The following OPCML variants were observed in gnomAD, a reference collection of about 807,000 sequenced individuals.
The protein encoded by OPCML is opioid binding protein/cell adhesion molecule like, also known as opioid-binding protein/cell adhesion molecule.
OPCML carries 13 observed loss-of-function variants against 37.8 expected under a neutral mutation model. The ratio of observed to expected loss-of-function variants is 0.34; its 90% confidence interval spans 0.22 to 0.55. OPCML has a LOEUF of 0.55. Ranked by LOEUF, OPCML falls within the 20% of genes least tolerant of loss-of-function variation. The pLI is 0.91. For synonymous variants in OPCML, 176 were observed against 168.8 expected (o/e 1.04, Z -0.33); for missense variants, 341 against 435.6 (o/e 0.78, Z 1.93).
intron 1 of OPCML, among the ~76,000 whole-genome samples, chr11:133,461,718 C>G (rs1269375364): frequency 2.0e-5 from 3 of 151,838 alleles, no homozygotes; most frequent in African/African-American, 4.8e-5. Flanking sequence ...CCAGAGCAGT[C>G]TAAAGATTCA....
chr11:133,507,671 A>G (rs1423039307), intron 1 of OPCML, among the ~76,000 whole-genome samples: 2 of 152,188 alleles, frequency 1.3e-5, no homozygotes, highest in Non-Finnish European at 2.9e-5. Context: ...CAGGCTGGGC[A>G]CAGTGGCTCA....
At chr11:133,458,277 C>T (rs1296392426) in intron 1 of OPCML, among the ~76,000 whole-genome samples, 4 of 56,324 alleles carry the variant, frequency 7.1e-5, no homozygotes, top group African/African-American at 4.9e-4. Context: ...TATATATACA[C>T]ACATATATAC....
At chr11:132,764,880 T>C (rs969867912) in intron 2 of OPCML, among the ~76,000 whole-genome samples, 2 of 152,234 alleles carry the variant, frequency 1.3e-5, no homozygotes, top group African/African-American at 4.8e-5. Flanking sequence ...AAATTCACAT[T>C]CTAGCAAGGT....
intron 4 of OPCML, among the ~76,000 whole-genome samples, chr11:132,504,181 T>G (rs957184367): frequency 5.5e-4 from 83 of 152,200 alleles, no homozygotes; most frequent in African/African-American, 1.8e-3. Context: ...TTGATTTAAT[T>G]AATAGAGACA....
intron 2 of OPCML, among the ~76,000 whole-genome samples, chr11:132,825,960 C>A (rs1181080019): frequency 6.6e-6 from 1 of 152,124 alleles, no homozygotes; most frequent in East Asian, 1.9e-4. Flanking sequence ...ATGTGTGAAC[C>A]CCGCTACCTC....
intron 7 of OPCML, among the ~76,000 whole-genome samples, chr11:132,427,329 G>C (rs2095980917): frequency 6.6e-6 from 1 of 152,164 alleles, no homozygotes; most frequent in South Asian, 2.1e-4. Context: ...GATGTTCTTG[G>C]TGATTAAAAG....
At chr11:133,063,866 T>C (rs527445323) in intron 1 of OPCML, among the ~76,000 whole-genome samples, 1 of 152,220 alleles carries the variant, frequency 6.6e-6, no homozygotes, top group East Asian at 1.9e-4. Context: ...CCAGCCCCGG[T>C]TGGTGATTAT....
intron 1 of OPCML, among the ~76,000 whole-genome samples, chr11:133,354,219 G>GA (rs1210447254): frequency 0.011 from 112 of 9,868 alleles, no homozygotes; most frequent in East Asian, 0.034. Flanking sequence ...TGGTGATGAT[G>GA]CTGGTGCTGG....
intron 4 of OPCML, among the ~76,000 whole-genome samples, chr11:132,464,986 G>A (rs993108705): frequency 1.3e-5 from 2 of 152,046 alleles, no homozygotes; most frequent in East Asian, 1.9e-4. Flanking sequence ...TATACATATC[G>A]ATCTTTTTTA....
intron 1 of OPCML, among the ~76,000 whole-genome samples, chr11:132,999,563 T>TGTGGG (rs1555072764): frequency 7.8e-6 from 1 of 128,516 alleles, no homozygotes; most frequent in African/African-American, 3.5e-5. Context: ...AAGTGACAAA[T>TGTGGG]GGGGTCGGGG....
chr11:133,158,933 G>T (rs2137211623), intron 1 of OPCML, among the ~76,000 whole-genome samples: 1 of 152,062 alleles, frequency 6.6e-6, no homozygotes, highest in African/African-American at 2.4e-5. Context: ...TAGTTGATTT[G>T]AACCAGGCAA....
At chr11:132,489,303 G>A (rs1250079908) in intron 4 of OPCML, among the ~76,000 whole-genome samples, 2 of 152,136 alleles carry the variant, frequency 1.3e-5, no homozygotes, top group East Asian at 1.9e-4. Context: ...CATCTCCTGT[G>A]ATAACAATGC....
intron 1 of OPCML, chr11:133,297,797 T>G (rs1374686400): frequency 6.6e-6 from 1 of 152,202 alleles, no homozygotes; most frequent in African/African-American, 2.4e-5. Context: ...TGCCTGGCTC[T>G]AAATCTTAGT....
chr11:132,753,823 G>C lies in OPCML; in HGVS notation c.147-96504C>G, dbSNP rs1234401614. On this transcript the variant is annotated intron_variant, in intron 2 of 7. Transcript: ENST00000524381. ...TTCCACTGAGCCAAAATATATTACA[G>C]GCACAATGGGGGAAAATGATCCTTT... Among the ~76,000 whole-genome samples the C allele has an allele frequency of 2.0e-5, 3 of 152,302 alleles. No homozygotes were observed. In the Middle Eastern group the frequency reaches 0.01, roughly 518 times the overall value.
intron 1 of OPCML, among the ~76,000 whole-genome samples, chr11:133,143,737 C>A (rs1250989346): frequency 6.6e-6 from 1 of 152,200 alleles, no homozygotes; most frequent in Non-Finnish European, 1.5e-5. Flanking sequence ...ATTGGCCTGC[C>A]TTAACCTCTC....
At chr11:133,252,375 C>CA (rs1354890325) in intron 1 of OPCML, among the ~76,000 whole-genome samples, 1 of 152,108 alleles carries the variant, frequency 6.6e-6, no homozygotes, top group East Asian at 1.9e-4. Flanking sequence ...CTAGGGAGTG[C>CA]AAAATCACAT....
At position 133,013,042 on chromosome 11, in the gene OPCML, C is replaced by G. The variant is rs759450043; in HGVS notation, c.62-70032G>C. On this transcript the variant is annotated intron_variant, in intron 1 of 7. Transcript: ENST00000524381. Reference sequence around the variant, plus strand: ...ACTTGGCACCAGAGTTATTTAATTACCCCCTCATTCTGCAACAAGAAAACA... The same window carrying G: ...ACTTGGCACCAGAGTTATTTAATTAGCCCCTCATTCTGCAACAAGAAAACA... 3.1e-4 allele frequency among the ~76,000 whole-genome samples: 47 copies of G among 152,246 alleles called. 1 individual carries two copies. The highest frequency in any genetic ancestry group is 1.7e-3 in the South Asian group (8 of 4,814).
chr11:133,187,954 G>A (rs953724790), intron 1 of OPCML, among the ~76,000 whole-genome samples: 16 of 152,232 alleles, frequency 1.1e-4, no homozygotes, highest in African/African-American at 2.9e-4. Context: ...GTTCCAAGTC[G>A]TTTCACTCCT....
At chr11:133,350,193 G>A (rs932189200) in intron 1 of OPCML, among the ~76,000 whole-genome samples, 1 of 152,126 alleles carries the variant, frequency 6.6e-6, no homozygotes, top group Non-Finnish European at 1.5e-5. Flanking sequence ...CTGCTAAATG[G>A]CACTAAATGT....
Sources: allele counts gnomAD v4.1 joint callset (sites outside exome capture counted in the v4.1 genomes callset), GRCh38; gene constraint gnomAD v4.1.1; transcripts MANE v1.5; gene names NCBI Gene and HGNC (gene_info 2026-07-23, HGNC 2026-07-21).